Variants in TLN2 observed in about 807,000 individuals in gnomAD.
TLN2 encodes the protein talin-2.
TLN2 carries 118 observed loss-of-function variants against 294.7 expected under a neutral mutation model. The observed-to-expected ratio is 0.40, with a 90% CI of 0.34 to 0.47. The LOEUF (loss-of-function observed/expected upper bound fraction) is 0.47, where lower values mean the gene tolerates loss of function less well. Ranked by LOEUF, TLN2 falls within the 20% of genes least tolerant of loss-of-function variation. The probability of loss-of-function intolerance (pLI) is 0.84; values close to 1 mark genes in which losing one functional copy is unlikely to be tolerated. For synonymous variants in TLN2, 1,431 were observed against 1,304.5 expected (o/e 1.10, Z -2.09); for missense variants, 3,083 against 3,282.2 (o/e 0.94, Z 1.48).
Position 62,833,600 on chromosome 15 carries a change from G to A in TLN2, c.7099G>A (p.Ala2367Thr). ...CGCCCTGGTCAAATCGGCCTCAGCA[G>A]CCCAGAGGGAGCTGGTGGCCCAAGG... ...TSALVKSASAAQRELVAQGKV... is the reference protein window; with the variant it reads ...TSALVKSASATQRELVAQGKV... The change falls in exon 55 of 59, where the codon GCC (alanine) becomes ACC (threonine). Residue 2367 changes from alanine to threonine, a missense_variant. Coordinates refer to ENST00000636159, the MANE Select transcript of TLN2 (RefSeq NM_015059.3). 1 of 1,614,152 alleles carries A rather than the reference G, an allele frequency of 6.2e-7. No homozygotes were observed. The highest frequency in any genetic ancestry group is 8.5e-7 in the Non-Finnish European group (1 of 1,180,024).
intron 1 of TLN2, among the ~76,000 whole-genome samples, chr15:62,485,651 C>T (rs1567019167): frequency 1.3e-5 from 2 of 152,190 alleles, no homozygotes; most frequent in Admixed American, 1.3e-4. Flanking sequence ...CCTCCCCTCT[C>T]CCACTCCCCT....
chr15:62,694,888 G>A (rs1316330119), intron 14 of TLN2, among the ~76,000 whole-genome samples: 2 of 152,120 alleles, frequency 1.3e-5, no homozygotes, highest in African/African-American at 4.8e-5. Flanking sequence ...TCAAATCTGG[G>A]GTCTCTGTTT....
intron 1 of TLN2, among the ~76,000 whole-genome samples, chr15:62,472,593 A>G (rs1008058274): frequency 1.3e-5 from 2 of 152,238 alleles, no homozygotes; most frequent in Non-Finnish European, 2.9e-5. Context: ...TAACTAAAAC[A>G]TAAAAATGAC....
At chr15:62,800,296 G>C in intron 48 of TLN2, 72 bp from the exon 49 acceptor site, 1 of 1,569,558 alleles carries the variant, frequency 6.4e-7, no homozygotes, top group Non-Finnish European at 8.6e-7. Context: ...CTGCCCTCAG[G>C]CTGCATGCCT....
intron 52 of TLN2, among the ~76,000 whole-genome samples, chr15:62,816,535 C>G (rs567081519): frequency 6.6e-6 from 1 of 152,328 alleles, no homozygotes; most frequent in South Asian, 2.1e-4. Flanking sequence ...GGGCTGTTCC[C>G]TGTCTGAGGG....
chr15:62,621,186 G>T (rs994903986), intron 3 of TLN2, among the ~76,000 whole-genome samples: 6 of 152,102 alleles, frequency 3.9e-5, no homozygotes, highest in Non-Finnish European at 8.8e-5. Flanking sequence ...AATGAACTGT[G>T]TCTCTGAAGT....
chr15:62,647,364 C>A lies in TLN2; in HGVS notation c.54C>A (p.Thr18=). Residue 18 remains threonine, a synonymous_variant, in exon 4 of 59, where the codon ACC becomes ACA. Transcript: ENST00000636159. ...ICVRHCNVVK[T]MQFEPSTAVY... ...TGCGCCACTGCAACGTGGTGAAGACCATGCAGTTTGAACCATCTACAGCTG... is the reference window on the plus strand; with the variant it reads ...TGCGCCACTGCAACGTGGTGAAGACAATGCAGTTTGAACCATCTACAGCTG... The A allele has an allele frequency of 6.2e-7, 1 of 1,614,188 alleles. No homozygotes were observed. Among genetic ancestry groups the A allele is most frequent in the South Asian group, 1.1e-5 (1 of 91,086 alleles).
intron 1 of TLN2, among the ~76,000 whole-genome samples, chr15:62,447,968 C>G (rs2140315555): frequency 2.0e-5 from 3 of 152,350 alleles, no homozygotes; most frequent in Middle Eastern, 6.8e-3. Flanking sequence ...GGCTATTCCT[C>G]ACTGTGAGTG....
Position 62,712,936 on chromosome 15 carries a change from C to A in TLN2, c.2634+859C>A, listed in dbSNP as rs186745881. Among the ~76,000 whole-genome samples, 333 of 152,042 alleles carry A rather than the reference C, an allele frequency of 2.2e-3. 2 individuals are homozygous for A. Among genetic ancestry groups the A allele is most frequent in the Non-Finnish European group, 3.6e-3 (244 of 67,998 alleles). ...ATAAAAATCACCTTCAAATTCCTGC[C>A]CTCAAAATAATATTTTAAATGTATT... On this transcript the variant is annotated intron_variant, in intron 22 of 58. Coordinates refer to ENST00000636159, the MANE Select transcript of TLN2 (RefSeq NM_015059.3).
chr15:62,562,993 G>T (rs1423202111), intron 1 of TLN2, among the ~76,000 whole-genome samples: 1 of 146,846 alleles, frequency 6.8e-6, no homozygotes, highest in Non-Finnish European at 1.5e-5. Context: ...TCCCCTCGTT[G>T]ATTGATGGGC....
chr15:62,448,547 A>G lies in TLN2; in HGVS notation c.-238+57862A>G, dbSNP rs143327263. Among the ~76,000 whole-genome samples, 785 of 152,270 alleles carry G rather than the reference A, an allele frequency of 5.2e-3. 7 individuals are homozygous for G. Among genetic ancestry groups the G allele is most frequent in the African/African-American group, 0.018 (741 of 41,552 alleles). ...GTGTGGAATTATTTATTACAGAGAG[A>G]TACCGGGTTTATTATTTGTAAGGGC... is the stretch of plus-strand genomic sequence containing the variant. On this transcript the variant is annotated intron_variant, in intron 1 of 58. Coordinates refer to ENST00000636159, the MANE Select transcript of TLN2 (RefSeq NM_015059.3).
chr15:62,519,240 T>C lies in TLN2; in HGVS notation c.-237-70447T>C, dbSNP rs1337302422. On this transcript the variant is annotated intron_variant, in intron 1 of 58. Coordinates refer to ENST00000636159, the MANE Select transcript of TLN2 (RefSeq NM_015059.3). ...GCTTTTTATATAAAAGGTAGACATT[T>C]CCCCAGCAATTGAAGTTGGCCGTCT... Among the ~76,000 whole-genome samples, 4 of 152,130 alleles carry C rather than the reference T, an allele frequency of 2.6e-5. No individual in the cohort carries two copies. In the South Asian group the frequency reaches 8.3e-4, roughly 32 times the overall value.
At chr15:62,643,758 T>C (rs554707934) in intron 3 of TLN2, among the ~76,000 whole-genome samples, 9 of 152,180 alleles carry the variant, frequency 5.9e-5, no homozygotes, top group Admixed American at 1.3e-4. Context: ...AGGTGTGGAA[T>C]TGAGCCTGCA....
chr15:62,740,363 T>A (rs1006214375), intron 31 of TLN2: 2 of 380,180 alleles, frequency 5.3e-6, no homozygotes, highest in Non-Finnish European at 9.6e-6. Flanking sequence ...TTAATGCCTC[T>A]AGTTGTGAGA....
intron 2 of TLN2, among the ~76,000 whole-genome samples, chr15:62,606,649 A>T (rs1291689823): frequency 6.6e-6 from 1 of 152,172 alleles, no homozygotes; most frequent in Non-Finnish European, 1.5e-5. Context: ...CCTAACCACC[A>T]GACACTGCCT....
rs1465348229 is a variant in TLN2, at chr15:62,737,074, A to T, written c.3555A>T (p.Gln1185His). 26 of 1,614,214 alleles carry T rather than the reference A, an allele frequency of 1.6e-5. No homozygotes were observed. Among genetic ancestry groups the T allele is most frequent in the Non-Finnish European group, 2.1e-5 (25 of 1,180,032 alleles). ...CACCTGGAGATGCAGAGCGTCAACA[A>T]AGACTGGCTCAGGTGAGGCTAGGAA... ...LIAPGDAERQ[Q>H]RLAQVAKAVS... The change falls in exon 29 of 59, where the codon CAA (glutamine) becomes CAT (histidine). Residue 1185 changes from glutamine to histidine, a missense_variant. Gln to His is a conservative substitution (Grantham distance 24). Transcript: ENST00000636159.
At chr15:62,640,446 C>T (rs980585184) in intron 3 of TLN2, 18 of 435,502 alleles carry the variant, frequency 4.1e-5, no homozygotes, top group East Asian at 7.0e-5. Context: ...GGTAGCCTGG[C>T]CCTCTGGTCT....
chr15:62,814,867 G>A (rs2066971748), intron 52 of TLN2, among the ~76,000 whole-genome samples: 1 of 152,162 alleles, frequency 6.6e-6, no homozygotes, highest in South Asian at 2.1e-4. Flanking sequence ...ATAAGGATAA[G>A]AAAGAGGAGT....
At chr15:62,422,669 A>T (rs1015845379) in intron 1 of TLN2, among the ~76,000 whole-genome samples, 2 of 152,138 alleles carry the variant, frequency 1.3e-5, no homozygotes, top group Non-Finnish European at 2.9e-5. Context: ...TCCAGCAGCA[A>T]TGCAGAAATG....
Sources: allele counts gnomAD v4.1 joint callset (sites outside exome capture counted in the v4.1 genomes callset), GRCh38; gene constraint gnomAD v4.1.1; transcripts MANE v1.5; gene names NCBI Gene and HGNC (gene_info 2026-07-23, HGNC 2026-07-21).